DCHS2: variants seen among roughly 807,000 people sequenced by gnomAD.
DCHS2 encodes dachsous cadherin-related 2, also known as protocadherin-23.
A neutral mutation model predicts 182.4 loss-of-function variants in DCHS2; 142 were observed. The observed-to-expected ratio is 0.78, with a 90% confidence interval of 0.68 to 0.89. DCHS2 has a LOEUF of 0.89. Among genes scored for constraint, DCHS2 ranks in the 40% least tolerant of loss-of-function variants. The pLI is 0.00. For synonymous variants in DCHS2, 1,740 were observed against 1,663.3 expected (o/e 1.05, Z -1.12); for missense variants, 4,319 against 4,198.6 (o/e 1.03, Z -0.79).
chr4:154,467,712 C>A (rs575311923), intron 1 of DCHS2, among the ~76,000 whole-genome samples: 1 of 151,876 alleles, frequency 6.6e-6, no homozygotes, highest in Non-Finnish European at 1.5e-5. Flanking sequence ...GAATGCATGA[C>A]GAAAATTACA....
chr4:154,387,385 C>G (rs1731468568), intron 1 of DCHS2, among the ~76,000 whole-genome samples: 1 of 148,664 alleles, frequency 6.7e-6, no homozygotes, highest in South Asian at 2.2e-4. Flanking sequence ...AACACAAAAG[C>G]AAGACCTGAA....
chr4:154,284,139 C>T (rs1378443647), intron 13 of DCHS2, among the ~76,000 whole-genome samples: 1 of 152,154 alleles, frequency 6.6e-6, no homozygotes, highest in Non-Finnish European at 1.5e-5. Flanking sequence ...AAAAACTACA[C>T]TACAGTATTT....
chr4:154,343,522 C>A, intron 3 of DCHS2: 1 of 1,514,958 alleles, frequency 6.6e-7, no homozygotes, highest in Admixed American at 2.0e-5. Flanking sequence ...GCTTCTCCAT[C>A]AGCACTTGCT....
At chr4:154,360,349 G>C (rs963740835) in intron 3 of DCHS2, among the ~76,000 whole-genome samples, 2 of 152,020 alleles carry the variant, frequency 1.3e-5, no homozygotes, top group Non-Finnish European at 2.9e-5. Context: ...ACTAAATGAG[G>C]CAGCTAATTT....
chr4:154,328,913 A>G (rs537036187), intron 6 of DCHS2, among the ~76,000 whole-genome samples: 1 of 152,344 alleles, frequency 6.6e-6, no homozygotes, highest in Non-Finnish European at 1.5e-5. Flanking sequence ...ACTTTTCATT[A>G]TTATAACCCA....
chr4:154,407,206 C>T (rs554351957), intron 1 of DCHS2, among the ~76,000 whole-genome samples: 7 of 152,308 alleles, frequency 4.6e-5, no homozygotes, highest in African/African-American at 1.7e-4. Flanking sequence ...CTAGCTGCTT[C>T]ACCATCATGG....
At chr4:154,486,466 G>GT in intron 1 of DCHS2, 1 of 1,304,576 alleles carries the variant, frequency 7.7e-7, no homozygotes, top group South Asian at 1.2e-5. Flanking sequence ...TGTTTTTCCT[G>GT]TATTTCCTTT....
chr4:154,417,194 TGTGTGTGTGTGAGAGAGAGAGAGAGAGA>T (rs1309679219), intron 1 of DCHS2, among the ~76,000 whole-genome samples: 5 of 91,514 alleles, frequency 5.5e-5, no homozygotes, highest in Non-Finnish European at 9.2e-5. Context: ...TGTGTGTGTG[TGTGTGTGTGTGAGAGAGAGAGAGAGAGA>T]GAGAGAGAGA....
chr4:154,322,514 T>C, intron 7 of DCHS2, 26 bp from the exon 8 acceptor site: 1 of 1,575,404 alleles, frequency 6.3e-7, no homozygotes, highest in Non-Finnish European at 8.6e-7. Context: ...AATTAAGAAA[T>C]GAATGTTAAT....
intron 3 of DCHS2, among the ~76,000 whole-genome samples, chr4:154,351,679 C>A (rs915285915): frequency 3.3e-5 from 5 of 152,114 alleles, no homozygotes; most frequent in African/African-American, 1.2e-4. Flanking sequence ...TAAAAGTGGT[C>A]CACCTCAGAT....
At chr4:154,381,712 G>T (rs1445465651) in intron 1 of DCHS2, among the ~76,000 whole-genome samples, 1 of 151,924 alleles carries the variant, frequency 6.6e-6, no homozygotes, top group African/African-American at 2.4e-5. Flanking sequence ...AAATACCTAG[G>T]AATAAATCTA....
chr4:154,335,872 T>C (rs1728781447), intron 3 of DCHS2, among the ~76,000 whole-genome samples: 1 of 152,226 alleles, frequency 6.6e-6, no homozygotes, highest in African/African-American at 2.4e-5. Context: ...AATTGTGTTG[T>C]CTTCTTTAGG....
At chr4:154,390,361 C>T (rs1055417317) in intron 1 of DCHS2, among the ~76,000 whole-genome samples, 6 of 147,734 alleles carry the variant, frequency 4.1e-5, no homozygotes, top group Admixed American at 6.9e-5. Context: ...TGAGAATATG[C>T]GGTGTTTGGT....
intron 1 of DCHS2, among the ~76,000 whole-genome samples, chr4:154,389,583 C>G (rs1299575656): frequency 6.8e-6 from 1 of 146,480 alleles, no homozygotes; most frequent in Non-Finnish European, 1.5e-5. Flanking sequence ...AATGCTTTCA[C>G]TGAGTGAAAT....
chr4:154,441,793 C>T (rs762370084), intron 1 of DCHS2, among the ~76,000 whole-genome samples: 3 of 151,910 alleles, frequency 2.0e-5, no homozygotes, highest in Admixed American at 6.6e-5. Context: ...ATAAAAACAG[C>T]TATTTATTAA....
At chr4:154,279,103 G>C (rs1734003208) in intron 13 of DCHS2, among the ~76,000 whole-genome samples, 1 of 152,100 alleles carries the variant, frequency 6.6e-6, no homozygotes, top group African/African-American at 2.4e-5. Flanking sequence ...TGATAATATA[G>C]AATGTGTTGG....
At position 154,491,120 on chromosome 4, in the gene DCHS2, G is replaced by A. The variant is rs532531712; in HGVS notation, c.236C>T (p.Pro79Leu). Residue 79 changes from proline (P) to leucine (L), a missense_variant, in exon 1 of 20, where the codon CCG becomes CTG. Coordinates refer to ENST00000357232, the MANE Select transcript of DCHS2 (RefSeq NM_001358235.2). The stretch of plus-strand genomic sequence containing the variant: ...GCGGATGTCACCTACCAGCGTGTCC[G>A]GGGGAAGCCCCTCATCTACGGAAAG... ...LTLSVDEGLPPDTLVGDIRAG... is the reference protein window; with the variant it reads ...LTLSVDEGLPLDTLVGDIRAG... 2 of 1,551,470 alleles carry A rather than the reference G, an allele frequency of 1.3e-6. No individual in the cohort carries two copies. Among genetic ancestry groups the A allele is most frequent in the Non-Finnish European group, 1.7e-6 (2 of 1,146,908 alleles).
At chr4:154,322,984 A>C in intron 7 of DCHS2, 2 of 470,910 alleles carry the variant, frequency 4.2e-6, no homozygotes, top group East Asian at 3.5e-5. Context: ...CATCCCATAA[A>C]TACTCTTTAT....
At chr4:154,250,017 TTAAAA>T (rs1411045352) in intron 16 of DCHS2, among the ~76,000 whole-genome samples, 1 of 151,978 alleles carries the variant, frequency 6.6e-6, no homozygotes, top group African/African-American at 2.4e-5. Flanking sequence ...AAATTTGAAA[TTAAAA>T]TAAATAAATA....
Sources: gnomAD v4.1 joint callset for allele counts (sites outside exome capture counted in the v4.1 genomes callset) on GRCh38, gnomAD v4.1.1 for gene constraint, MANE v1.5 for transcripts, NCBI Gene and HGNC (gene_info 2026-07-23, HGNC 2026-07-21) for gene names.